The following MTRR variants were observed in gnomAD, a reference collection of about 807,000 sequenced individuals.
MTRR encodes the protein 5-methyltetrahydrofolate-homocysteine methyltransferase reductase.
In MTRR, 63 loss-of-function variants were observed where a neutral mutation model predicts 79.2. The ratio of observed to expected loss-of-function variants is 0.80; its 90% CI spans 0.65 to 0.98. MTRR has a LOEUF of 0.98. MTRR is among the 50% of genes least tolerant of loss of function. The probability of loss-of-function intolerance (pLI) is 0.00; values close to 1 mark genes in which losing one functional copy is unlikely to be tolerated. For missense variants in MTRR, 895 were observed against 839.6 expected (o/e 1.07, Z -0.82); for synonymous variants, 355 against 313.3 (o/e 1.13, Z -1.41).
At chr5:7,852,830 A>G (rs62342525) in intron 1 of MTRR, among the ~76,000 whole-genome samples, 4 of 152,128 alleles carry the variant, frequency 2.6e-5, no homozygotes, top group Non-Finnish European at 5.9e-5. Flanking sequence ...TAATGGTCAC[A>G]AGATTTTGTA....
At chr5:7,868,844 C>T (rs1747286111), upstream of MTRR, 2 of 528,546 alleles carry the variant, frequency 3.8e-6, no homozygotes, top group Admixed American at 3.2e-5. Flanking sequence ...ACCCGCGGGG[C>T]GAGCACCCCC....
intron 5 of MTRR, 111 bp from the exon 6 acceptor site, chr5:7,883,044 A>G: frequency 1.4e-6 from 2 of 1,398,854 alleles, no homozygotes; most frequent in Non-Finnish European, 1.0e-6. Flanking sequence ...GGAAATGAAT[A>G]CTGAGTAGCC....
At chr5:7,888,479 T>C (rs943243653) in intron 8 of MTRR, among the ~76,000 whole-genome samples, 8 of 152,226 alleles carry the variant, frequency 5.3e-5, no homozygotes, top group African/African-American at 1.9e-4. Flanking sequence ...TTCAGCAGTG[T>C]TTCCTGAGTC....
chr5:7,889,265 T>C lies in MTRR; in HGVS notation c.1317T>C (p.Ser439=), dbSNP rs756279354. The C allele has an allele frequency of 6.2e-6, 10 of 1,612,658 alleles. No individual in the cohort carries two copies. In the South Asian group the frequency reaches 9.9e-5, roughly 16 times the overall value. The change falls in exon 9 of 15, where the codon AGT becomes AGC. Residue 439 remains serine (S), a synonymous_variant. Transcript: ENST00000440940. The part of the protein sequence containing the change: ...LAFPSCQPPL[S]LLLEHLPKLQ... ...TCCCTTCTTGCCAGCCACCACTCAG[T>C]CTCCTGCTCGGTGAGTAGTCGCTTT...
At chr5:7,867,272 T>C (rs1747034261), upstream of MTRR, 2 of 1,613,702 alleles carry the variant, frequency 1.2e-6, no homozygotes, top group African/African-American at 1.3e-5. Flanking sequence ...TTGGTGTTCA[T>C]CCACTTTTTC....
chr5:7,872,502 C>T (rs917822085), intron 2 of MTRR, among the ~76,000 whole-genome samples: 1 of 152,120 alleles, frequency 6.6e-6, no homozygotes, highest in Non-Finnish European at 1.5e-5. Context: ...GTTTGTAGCT[C>T]GCTTATAGCT....
intron 8 of MTRR, among the ~76,000 whole-genome samples, chr5:7,888,779 T>G (rs1286702686): frequency 6.6e-6 from 1 of 152,234 alleles, no homozygotes; most frequent in Non-Finnish European, 1.5e-5. Flanking sequence ...CTGCCTGTAA[T>G]TAATAACTTG....
chr5:7,867,989 T>C, upstream of MTRR: 1 of 1,614,032 alleles, frequency 6.2e-7, no homozygotes, highest in Non-Finnish European at 8.5e-7. Flanking sequence ...CTTGTGAACA[T>C]GATTTAGAGG....
intron 8 of MTRR, among the ~76,000 whole-genome samples, chr5:7,887,888 A>AATAACCCG: frequency 6.9e-6 from 1 of 144,762 alleles, no homozygotes; most frequent in African/African-American, 2.6e-5. Context: ...GAAATAACCC[A>AATAACCCG]GGAAACCAAA....
rs757713803 is a variant in MTRR, at chr5:7,895,862, T to C, written c.1676+10T>C. On this transcript the variant is annotated intron_variant, in intron 12 of 14. Coordinates refer to ENST00000440940, the MANE Select transcript of MTRR (RefSeq NM_002454.3). ...GGTTCCTACAACATAGGTATGTTCT[T>C]TTTTTGGCTAATGGGAAAATGTATT... 1.5e-5 allele frequency: 24 copies of C among 1,613,952 alleles called. No individual in the cohort carries two copies. In the Admixed American group the frequency reaches 4.0e-4, roughly 27 times the overall value.
chr5:7,896,490 G>GAC, intron 12 of MTRR: 1 of 288,176 alleles, frequency 3.5e-6, no homozygotes, highest in South Asian at 4.1e-5. Context: ...CCATTTCGTA[G>GAC]ACACTTTACA....
At chr5:7,872,220 C>G (rs570692719) in intron 2 of MTRR, 6 of 454,154 alleles carry the variant, frequency 1.3e-5, no homozygotes, top group African/African-American at 1.2e-4. Flanking sequence ...GTTGTTACCT[C>G]TTTTATCAGT....
chr5:7,875,280 C>A lies in MTRR; in HGVS notation c.306C>A (p.Thr102=). The change falls in exon 4 of 15, where the codon ACC becomes ACA. Residue 102 remains threonine, a synonymous_variant. Coordinates refer to ENST00000440940, the MANE Select transcript of MTRR (RefSeq NM_002454.3). ...TAGGTCTCGGTGATTCAGAATACAC[C>A]TACTTTTGCAATGGGGGGAAGATAA... ...GLLGLGDSEY[T]YFCNGGKIID... is the part of the protein sequence containing the mutation. The A allele has an allele frequency of 6.2e-7, 1 of 1,612,678 alleles. No individual in the cohort carries two copies. The highest frequency in any genetic ancestry group is 8.5e-7 in the Non-Finnish European group (1 of 1,179,312).
intron 9 of MTRR, among the ~76,000 whole-genome samples, chr5:7,889,738 C>G (rs1185431978): frequency 1.3e-5 from 2 of 152,132 alleles, no homozygotes; most frequent in East Asian, 3.9e-4. Flanking sequence ...GTGCTGTGTG[C>G]AGAATGCAGA....
chr5:7,867,479 G>A, upstream of MTRR: 2 of 1,614,202 alleles, frequency 1.2e-6, no homozygotes, highest in African/African-American at 1.3e-5. Flanking sequence ...TTGGCATTCT[G>A]CCACCAGGTT....
chr5:7,881,259 C>T (rs530332533), intron 5 of MTRR, among the ~76,000 whole-genome samples: 13 of 152,004 alleles, frequency 8.6e-5, no homozygotes, highest in Non-Finnish European at 1.8e-4. Flanking sequence ...AGTGCTCTGT[C>T]GTATACTTTC....
chr5:7,877,931 T>G lies in MTRR; in HGVS notation c.402-13T>G. ...GGCATTTGTTTTGTTTTTCGTTTGT[T>G]TTTACTGTCCAGTTTAGAACTTGTG... is the stretch of plus-strand genomic sequence containing the variant. On this transcript the variant is annotated splice_polypyrimidine_tract_variant and intron_variant, in intron 4 of 14. Coordinates refer to ENST00000440940, the MANE Select transcript of MTRR (RefSeq NM_002454.3). The G allele has an allele frequency of 6.2e-7, 1 of 1,611,606 alleles. No individual in the cohort carries two copies. Among genetic ancestry groups the G allele is most frequent in the Non-Finnish European group, 8.5e-7 (1 of 1,179,998 alleles).
rs1476336346 is a variant in MTRR at position 7,900,823 on chromosome 5, T to C, written c.*765T>C. The C allele has an allele frequency of 6.6e-6, 1 of 152,372 alleles. No homozygotes were observed. The highest frequency in any genetic ancestry group is 1.5e-5 in the Non-Finnish European group (1 of 68,052). The allele number at this position is 152,372 out of a possible 1,614,324, so 9.4% of individuals were successfully genotyped here. ...ACAACCTTTTTATTTTCACTCCTTT[T>C]ATTTCTGCTGCTTGGCACATTTTTG... On this transcript the variant is annotated 3_prime_UTR_variant, in exon 15 of 15. Coordinates refer to ENST00000440940, the MANE Select transcript of MTRR (RefSeq NM_002454.3).
At chr5:7,861,741 C>T in intron 1 of MTRR, 1 of 1,527,940 alleles carries the variant, frequency 6.5e-7, no homozygotes, top group Non-Finnish European at 8.8e-7. Context: ...GCTTTGATTC[C>T]TTCCACCTTG....
Sources: gnomAD v4.1 joint callset for allele counts (sites outside exome capture counted in the v4.1 genomes callset) on GRCh38, gnomAD v4.1.1 for gene constraint, MANE v1.5 for transcripts, NCBI Gene and HGNC (gene_info 2026-07-23, HGNC 2026-07-21) for gene names.